Variants in FGF12 observed in about 807,000 individuals in gnomAD.
The protein encoded by FGF12 is fibroblast growth factor 12B.
A neutral mutation model predicts 23.6 loss-of-function variants in FGF12; 14 were observed. The ratio of observed to expected loss-of-function variants is 0.59; its 90% CI spans 0.39 to 0.93. The LOEUF (loss-of-function observed/expected upper bound fraction) is 0.93. Among genes scored for constraint, FGF12 ranks in the 40% least tolerant of loss-of-function variants. The pLI, the probability that FGF12 is intolerant of heterozygous loss-of-function variation, is 0.00. For missense variants in FGF12, 175 were observed against 217.8 expected (o/e 0.80, Z 1.24); for synonymous variants, 62 against 77.3 (o/e 0.80, Z 1.04).
intron 2 of FGF12, among the ~76,000 whole-genome samples, chr3:192,417,283 C>T (rs1402864698): frequency 1.3e-5 from 2 of 150,306 alleles, no homozygotes; most frequent in South Asian, 2.1e-4. Flanking sequence ...TAACCAAAAG[C>T]GTTTATTATT....
At chr3:192,402,360 A>C (rs1486089243) in intron 2 of FGF12, among the ~76,000 whole-genome samples, 9 of 152,194 alleles carry the variant, frequency 5.9e-5, no homozygotes, top group African/African-American at 2.2e-4. Flanking sequence ...ACATAACAAC[A>C]TAGCCATGGG....
intron 2 of FGF12, among the ~76,000 whole-genome samples, chr3:192,363,040 G>A (rs894507404): frequency 6.7e-6 from 1 of 150,344 alleles, no homozygotes. Flanking sequence ...ATTGAACAAT[G>A]AGAACACTTG....
At chr3:192,326,848 G>A (rs772488424) in intron 4 of FGF12, among the ~76,000 whole-genome samples, 1 of 152,148 alleles carries the variant, frequency 6.6e-6, no homozygotes, top group Non-Finnish European at 1.5e-5. Flanking sequence ...ACAATGCTGA[G>A]TGACCTCATT....
At chr3:192,427,084 A>T (rs1476829665) in intron 2 of FGF12, among the ~76,000 whole-genome samples, 3 of 152,120 alleles carry the variant, frequency 2.0e-5, no homozygotes, top group African/African-American at 7.2e-5. Context: ...AGAGCACTAT[A>T]AGAGTAGAAG....
At chr3:192,561,654 G>A (rs1333693974) in intron 2 of FGF12, among the ~76,000 whole-genome samples, 2 of 152,164 alleles carry the variant, frequency 1.3e-5, no homozygotes, top group African/African-American at 4.8e-5. Flanking sequence ...GAGCCACCGT[G>A]CCTGGAAAAT....
intron 4 of FGF12, among the ~76,000 whole-genome samples, chr3:192,309,037 TAAATTAA>T (rs1330407918): frequency 6.6e-6 from 1 of 152,240 alleles, no homozygotes; most frequent in Non-Finnish European, 1.5e-5. Context: ...TTGCTTTTTG[TAAATTAA>T]AGAATCACCC....
chr3:192,158,653 C>CT lies in FGF12; in HGVS notation c.427+11804dup, dbSNP rs1288163886. ...CTCTGTTTTTTCCCTCCCTCCCTCCCTCCCTTCCTTCCCTCCCTCCCTCTC... is the reference window on the plus strand; with the variant it reads ...CTCTGTTTTTTCCCTCCCTCCCTCCCTTCCCTTCCTTCCCTCCCTCCCTCTC... On this transcript the variant is annotated intron_variant, in intron 5 of 5. Coordinates refer to ENST00000445105, the MANE Select transcript of FGF12 (RefSeq NM_004113.6). Among the ~76,000 whole-genome samples the CT allele has an allele frequency of 3.5e-3, 209 of 59,094 alleles. 4 individuals are homozygous for CT. Among genetic ancestry groups the CT allele is most frequent in the African/African-American group, 9.7e-3 (188 of 19,350 alleles). The allele number at this position is 59,094 out of a possible 152,430, so 38.8% of individuals were successfully genotyped here.
chr3:192,690,586 C>CAAA (rs35837229), intron 2 of FGF12, among the ~76,000 whole-genome samples: 25 of 92,102 alleles, frequency 2.7e-4, no homozygotes, highest in African/African-American at 1.0e-3. Flanking sequence ...CACAACACTA[C>CAAA]AAAAAAAAAA....
At chr3:192,443,648 G>T (rs938628298) in intron 2 of FGF12, among the ~76,000 whole-genome samples, 1 of 152,162 alleles carries the variant, frequency 6.6e-6, no homozygotes, top group African/African-American at 2.4e-5. Flanking sequence ...AGTTCAAAAT[G>T]TCTCTCAATA....
intron 4 of FGF12, among the ~76,000 whole-genome samples, chr3:192,188,428 G>T (rs1716606912): frequency 6.6e-6 from 1 of 152,196 alleles, no homozygotes; most frequent in African/African-American, 2.4e-5. Context: ...AGGTGGCGGG[G>T]TGGTGACTTG....
At chr3:192,473,736 G>T (rs926043146) in intron 2 of FGF12, among the ~76,000 whole-genome samples, 1 of 152,250 alleles carries the variant, frequency 6.6e-6, no homozygotes, top group South Asian at 2.1e-4. Flanking sequence ...TTGATTCTGC[G>T]CTTGGCCACC....
chr3:192,465,319 A>G (rs1722978629), intron 2 of FGF12, among the ~76,000 whole-genome samples: 1 of 152,230 alleles, frequency 6.6e-6, no homozygotes, highest in South Asian at 2.1e-4. Context: ...ATTCCGAAAC[A>G]CCGTCTAAAA....
rs1408646970 is a variant in FGF12 at position 192,514,088 on chromosome 3, C to T, written c.14-153550G>A. 6.6e-6 allele frequency among the ~76,000 whole-genome samples: 1 copy of T among 152,076 alleles called. No individual in the cohort carries two copies. The highest frequency in any genetic ancestry group is 2.4e-5 in the African/African-American group (1 of 41,404). The stretch of plus-strand genomic sequence containing the variant: ...TTTTCTTTCTTTTCCTCCGTGTAGT[C>T]TTTCCCAGGGCACCCGGTTGAAGCC... On this transcript the variant is annotated intron_variant, in intron 2 of 5. Coordinates refer to ENST00000445105, the MANE Select transcript of FGF12 (RefSeq NM_004113.6). The surrounding 1 kb of genome is among the most constrained non-coding windows in gnomAD (Gnocchi z 4.9).
At chr3:192,194,920 C>T (rs1196722004) in intron 4 of FGF12, among the ~76,000 whole-genome samples, 3 of 152,150 alleles carry the variant, frequency 2.0e-5, no homozygotes, top group East Asian at 3.8e-4. Context: ...TTACAAGATA[C>T]CTGCTTTGGG....
chr3:192,480,954 A>C (rs1723463046), intron 2 of FGF12, among the ~76,000 whole-genome samples: 1 of 152,222 alleles, frequency 6.6e-6, no homozygotes, highest in South Asian at 2.1e-4. Context: ...AATTAAATCA[A>C]AGAAGGCTCC....
At chr3:192,711,486 G>A (rs1254496404) in intron 2 of FGF12, among the ~76,000 whole-genome samples, 2 of 152,190 alleles carry the variant, frequency 1.3e-5, no homozygotes, top group Non-Finnish European at 2.9e-5. Context: ...GATGAAGATG[G>A]CGGTTTTGTC....
intron 2 of FGF12, among the ~76,000 whole-genome samples, chr3:192,583,827 G>T (rs1315061146): frequency 6.6e-6 from 1 of 152,072 alleles, no homozygotes; most frequent in African/African-American, 2.4e-5. Flanking sequence ...GGCCTTAAAG[G>T]GCTGCTTCTG....
chr3:192,337,990 A>C (rs1212348403), intron 3 of FGF12, among the ~76,000 whole-genome samples: 1 of 152,226 alleles, frequency 6.6e-6, no homozygotes, highest in African/African-American at 2.4e-5. Context: ...TGCTATGAAG[A>C]ATTTAGGACA....
intron 2 of FGF12, among the ~76,000 whole-genome samples, chr3:192,571,393 T>C (rs1471789805): frequency 6.6e-6 from 1 of 152,172 alleles, no homozygotes; most frequent in East Asian, 1.9e-4. Flanking sequence ...AGCACCTTCC[T>C]CCATTATGCC....
Sources: allele counts gnomAD v4.1 joint callset (sites outside exome capture counted in the v4.1 genomes callset), GRCh38; gene constraint gnomAD v4.1.1; non-coding constraint Gnocchi (gnomAD v3.1); transcripts MANE v1.5; gene names NCBI Gene and HGNC (gene_info 2026-07-23, HGNC 2026-07-21).